The following LGR6 variants were observed in gnomAD, a reference collection of about 807,000 sequenced individuals.
The protein encoded by LGR6 is leucine rich repeat containing G protein-coupled receptor 6, also known as leucine-rich repeat-containing G protein-coupled receptor 6.
LGR6 carries 45 observed loss-of-function variants against 69.4 expected under a neutral mutation model. The observed-to-expected ratio is 0.65, with a 90% CI of 0.51 to 0.83. The LOEUF (loss-of-function observed/expected upper bound fraction) is 0.83, where lower values mean the gene tolerates loss of function less well. Ranked by LOEUF, LGR6 falls within the 40% of genes least tolerant of loss-of-function variation. The pLI is 0.00. For missense variants in LGR6, 1,108 were observed against 1,246.7 expected (o/e 0.89, Z 1.68); for synonymous variants, 538 against 555.0 (o/e 0.97, Z 0.43).
At chr1:202,245,724 C>T (rs1662604804) in intron 4 of LGR6, among the ~76,000 whole-genome samples, 1 of 152,110 alleles carries the variant, frequency 6.6e-6, no homozygotes, top group South Asian at 2.1e-4. Context: ...CCAGTCGGGA[C>T]CAGGAGGTGG....
intron 1 of LGR6, among the ~76,000 whole-genome samples, chr1:202,216,690 T>C (rs1659807413): frequency 6.6e-6 from 1 of 152,184 alleles, no homozygotes; most frequent in Non-Finnish European, 1.5e-5. Flanking sequence ...CTCCAGAGGC[T>C]CTGCTCTGTC....
chr1:202,281,066 T>C (rs1665968720), intron 6 of LGR6: 1 of 543,066 alleles, frequency 1.8e-6, no homozygotes, highest in Non-Finnish European at 3.3e-6. Flanking sequence ...GAATGTGCCC[T>C]CTGGGAGTTC....
chr1:202,194,411 T>TGACTTGGCTTCCCC (rs1658554338), intron 1 of LGR6: 2 of 589,782 alleles, frequency 3.4e-6, no homozygotes, highest in Non-Finnish European at 6.2e-6. Context: ...CGGGCTTCCC[T>TGACTTGGCTTCCCC]GACTTGGCTT....
At chr1:202,284,773 A>G (rs1246507924) in intron 6 of LGR6, among the ~76,000 whole-genome samples, 1 of 152,218 alleles carries the variant, frequency 6.6e-6, no homozygotes. Flanking sequence ...GCCCACCCTC[A>G]TGCTCTAGAT....
intron 9 of LGR6, 135 bp from the exon 10 acceptor site, chr1:202,303,144 T>A (rs1667729082): frequency 1.4e-6 from 1 of 720,338 alleles, no homozygotes; most frequent in African/African-American, 1.7e-5. Context: ...GTGGCTGACT[T>A]GAGGAAGATT....
chr1:202,250,621 G>A (rs924529463), intron 4 of LGR6, among the ~76,000 whole-genome samples: 2 of 152,086 alleles, frequency 1.3e-5, no homozygotes, highest in Non-Finnish European at 1.5e-5. Flanking sequence ...GGTCAGGCTG[G>A]TCTCAAACTC....
At chr1:202,246,985 C>G (rs1167486064) in intron 4 of LGR6, among the ~76,000 whole-genome samples, 1 of 152,194 alleles carries the variant, frequency 6.6e-6, no homozygotes, top group East Asian at 1.9e-4. Flanking sequence ...TTAGCCATGA[C>G]TTTAGACTGT....
chr1:202,298,097 C>T (rs936672919), intron 7 of LGR6, among the ~76,000 whole-genome samples: 5 of 152,214 alleles, frequency 3.3e-5, no homozygotes, highest in African/African-American at 1.2e-4. Context: ...GTCAGATTGA[C>T]ATGGCCCTCC....
At chr1:202,199,410 GC>G (rs1311895378) in intron 1 of LGR6, among the ~76,000 whole-genome samples, 4 of 152,140 alleles carry the variant, frequency 2.6e-5, no homozygotes, top group Admixed American at 2.6e-4. Flanking sequence ...GTGTGGGGGA[GC>G]CAACACCCCA....
intron 17 of LGR6, among the ~76,000 whole-genome samples, chr1:202,316,769 G>C (rs1404202136): frequency 2.0e-5 from 3 of 152,116 alleles, no homozygotes; most frequent in African/African-American, 7.2e-5. Context: ...TCCCACAAAA[G>C]CCTCTCAAAT....
intron 4 of LGR6, among the ~76,000 whole-genome samples, chr1:202,257,286 CAA>C (rs1317052910): frequency 6.6e-6 from 1 of 152,042 alleles, no homozygotes; most frequent in East Asian, 1.9e-4. Flanking sequence ...CTTTGAAGCA[CAA>C]AAGTTTTTAA....
chr1:202,290,876 A>G (rs1445577474), intron 6 of LGR6, among the ~76,000 whole-genome samples: 1 of 152,194 alleles, frequency 6.6e-6, no homozygotes, highest in African/African-American at 2.4e-5. Context: ...AAAAATAAAA[A>G]ATAAAAAGCA....
At chr1:202,204,485 A>C in intron 1 of LGR6, among the ~76,000 whole-genome samples, 2 of 25,732 alleles carry the variant, frequency 7.8e-5, no homozygotes, top group African/African-American at 1.3e-4. Context: ...CTCCAAACAC[A>C]CCTCCACACA....
At chr1:202,211,567 G>C (rs1035817946) in intron 1 of LGR6, among the ~76,000 whole-genome samples, 5 of 152,168 alleles carry the variant, frequency 3.3e-5, no homozygotes, top group African/African-American at 1.2e-4. Flanking sequence ...CACCATGTTG[G>C]CCAGGCTGGT....
chr1:202,297,994 G>A (rs1667288379), intron 7 of LGR6, among the ~76,000 whole-genome samples: 1 of 152,164 alleles, frequency 6.6e-6, no homozygotes, highest in Admixed American at 6.5e-5. Context: ...GTTGTCTCTG[G>A]TTCCCCAAAG....
At chr1:202,214,083 C>T (rs1659586937) in intron 1 of LGR6, 11 of 1,373,750 alleles carry the variant, frequency 8.0e-6, no homozygotes, top group African/African-American at 1.5e-5. Flanking sequence ...AGCGGCAGAA[C>T]GAGAGAGGAT....
At chr1:202,269,140 A>G (rs1664900337) in intron 4 of LGR6, among the ~76,000 whole-genome samples, 1 of 152,070 alleles carries the variant, frequency 6.6e-6, no homozygotes, top group Non-Finnish European at 1.5e-5. Context: ...TCCTGAGCTC[A>G]AGCAATCCTC....
intron 16 of LGR6, among the ~76,000 whole-genome samples, chr1:202,311,235 C>T (rs999206053): frequency 6.6e-6 from 1 of 152,126 alleles, no homozygotes; most frequent in Non-Finnish European, 1.5e-5. Flanking sequence ...CAAATATAAA[C>T]ATGTAAGAAA....
chr1:202,276,975 T>C lies in LGR6; in HGVS notation c.644+454T>C, dbSNP rs560667579. The stretch of plus-strand genomic sequence containing the variant: ...AGAAGCAGAGAAAAGTCATCACTTA[T>C]AATTAGACAGCAAAGCCCCATCACT... On this transcript the variant is annotated intron_variant, in intron 5 of 17. Coordinates refer to ENST00000367278, the MANE Select transcript of LGR6 (RefSeq NM_001017403.2). Among the ~76,000 whole-genome samples, 8 of 152,292 alleles carry C rather than the reference T, an allele frequency of 5.3e-5. No individual in the cohort carries two copies. The South Asian group carries it at 6.2e-4, about 12-fold the overall frequency.
Sources: allele counts gnomAD v4.1 joint callset (sites outside exome capture counted in the v4.1 genomes callset), GRCh38; gene constraint gnomAD v4.1.1; transcripts MANE v1.5; gene names NCBI Gene and HGNC (gene_info 2026-07-23, HGNC 2026-07-21).